The following TYW1B variants were observed in gnomAD, a reference collection of about 807,000 sequenced individuals.
TYW1B encodes tRNA-yW synthesizing protein 1 homolog B.
TYW1B carries 73 observed loss-of-function variants against 86.9 expected under a neutral mutation model. That is an observed-to-expected ratio of 0.84 (90% CI 0.70 to 1.02). The LOEUF (loss-of-function observed/expected upper bound fraction) is 1.02, where lower values mean the gene tolerates loss of function less well. Ranked by LOEUF, TYW1B falls within the 50% of genes least tolerant of loss-of-function variation. TYW1B has a pLI of 0.00. For synonymous variants in TYW1B, 248 were observed against 292.8 expected (o/e 0.85, Z 1.56); for missense variants, 637 against 827.4 (o/e 0.77, Z 2.82).
intron 6 of TYW1B, among the ~76,000 whole-genome samples, chr7:72,783,124 C>T (rs782810968): frequency 1.3e-5 from 2 of 151,716 alleles, no homozygotes; most frequent in South Asian, 2.1e-4. Context: ...TCAGGTCGGA[C>T]GTGGTGGCTC....
chr7:72,809,284 C>G (rs1327982947), intron 4 of TYW1B, among the ~76,000 whole-genome samples: 2 of 152,072 alleles, frequency 1.3e-5, no homozygotes, highest in African/African-American at 4.8e-5. Flanking sequence ...ACCTCGTGAT[C>G]CGCCTGCCTC....
intron 2 of TYW1B, among the ~76,000 whole-genome samples, chr7:72,819,682 C>T (rs1295934450): frequency 6.6e-6 from 1 of 152,192 alleles, no homozygotes; most frequent in Non-Finnish European, 1.5e-5. Flanking sequence ...ATCCACCTGC[C>T]TTGGCCTCCC....
At chr7:72,598,417 A>T (rs1811585157) in intron 13 of TYW1B, among the ~76,000 whole-genome samples, 1 of 152,106 alleles carries the variant, frequency 6.6e-6, no homozygotes, top group South Asian at 2.1e-4. Context: ...CAGAACCCTG[A>T]CTAATACACA....
chr7:72,667,952 T>C (rs1585889107), intron 11 of TYW1B, among the ~76,000 whole-genome samples: 1 of 152,306 alleles, frequency 6.6e-6, no homozygotes, highest in South Asian at 2.1e-4. Flanking sequence ...ATTCAAGCCA[T>C]AATTTACTCA....
chr7:72,644,760 T>C (rs1812884344), intron 11 of TYW1B, among the ~76,000 whole-genome samples: 1 of 150,542 alleles, frequency 6.6e-6, no homozygotes, highest in Admixed American at 6.6e-5. Context: ...GACTTCAAAA[T>C]GTGAAAGGAA....
At chr7:72,582,536 A>G (rs1454909724) in intron 13 of TYW1B, among the ~76,000 whole-genome samples, 4 of 152,220 alleles carry the variant, frequency 2.6e-5, no homozygotes, top group Admixed American at 2.6e-4. Flanking sequence ...TACTTTTTAC[A>G]TGCCAGTTTC....
intron 3 of TYW1B, among the ~76,000 whole-genome samples, chr7:72,811,894 G>T (rs1554478351): frequency 2.1e-5 from 3 of 140,820 alleles, no homozygotes; most frequent in Non-Finnish European, 4.5e-5. Context: ...ACTCCAGCCT[G>T]GGCAACGAAG....
chr7:72,797,298 A>G (rs1342384435), intron 6 of TYW1B, among the ~76,000 whole-genome samples: 5 of 152,214 alleles, frequency 3.3e-5, no homozygotes, highest in South Asian at 2.1e-4. Context: ...CAACTGCCCA[A>G]TGATTTAACC....
intron 11 of TYW1B, among the ~76,000 whole-genome samples, chr7:72,694,185 A>ACTC (rs1814250550): frequency 6.6e-6 from 1 of 151,626 alleles, no homozygotes; most frequent in African/African-American, 2.4e-5. Flanking sequence ...CTGGTCTTGA[A>ACTC]CTCCTGACCT....
intron 13 of TYW1B, among the ~76,000 whole-genome samples, chr7:72,596,637 G>A (rs1446733913): frequency 3.9e-5 from 6 of 152,024 alleles, no homozygotes; most frequent in African/African-American, 9.7e-5. Flanking sequence ...AACTCAAAAT[G>A]GATCAAAGAC....
At chr7:72,672,167 C>T (rs1434550804) in intron 11 of TYW1B, among the ~76,000 whole-genome samples, 1 of 152,028 alleles carries the variant, frequency 6.6e-6, no homozygotes, top group Non-Finnish European at 1.5e-5. Context: ...TGCCTGCCAC[C>T]ATCCACGTAA....
At chr7:72,737,150 C>T (rs1162268201) in intron 8 of TYW1B, among the ~76,000 whole-genome samples, 1 of 152,176 alleles carries the variant, frequency 6.6e-6, no homozygotes, top group Non-Finnish European at 1.5e-5. Context: ...GGCTCAGAGG[C>T]TATTTTAAGA....
chr7:72,608,093 G>A (rs1554435199), intron 13 of TYW1B, among the ~76,000 whole-genome samples: 1 of 152,192 alleles, frequency 6.6e-6, no homozygotes. Flanking sequence ...ATATCCTTCA[G>A]GAATGGAGAG....
chr7:72,629,228 C>G (rs1370886828), intron 11 of TYW1B, among the ~76,000 whole-genome samples: 2 of 152,138 alleles, frequency 1.3e-5, no homozygotes, highest in African/African-American at 4.8e-5. Context: ...TTTTCTCTGC[C>G]CCACAACATT....
intron 11 of TYW1B, among the ~76,000 whole-genome samples, chr7:72,693,349 T>G (rs35388764): frequency 5.9e-5 from 9 of 151,900 alleles, no homozygotes; most frequent in Non-Finnish European, 1.0e-4. Flanking sequence ...CTTAGGAAAT[T>G]TGGTTCTAGA....
intron 7 of TYW1B, among the ~76,000 whole-genome samples, chr7:72,770,450 A>G (rs1787848245): frequency 6.6e-6 from 1 of 151,662 alleles, no homozygotes; most frequent in South Asian, 2.1e-4. Flanking sequence ...AAAAAAAGAA[A>G]AAAGAAAAAA....
At chr7:72,674,764 T>C (rs1317114998) in intron 11 of TYW1B, among the ~76,000 whole-genome samples, 1 of 150,408 alleles carries the variant, frequency 6.6e-6, no homozygotes, top group South Asian at 2.1e-4. Context: ...TCTCTCTTTT[T>C]TTTTTTTTTT....
At chr7:72,638,167 G>A (rs1191170813) in intron 11 of TYW1B, among the ~76,000 whole-genome samples, 8 of 150,374 alleles carry the variant, frequency 5.3e-5, no homozygotes, top group Admixed American at 6.7e-5. Context: ...ATAGGGGAAG[G>A]GGGTCCTAAT....
At chr7:72,801,353 G>A (rs1274947588) in intron 6 of TYW1B, among the ~76,000 whole-genome samples, 28 of 152,044 alleles carry the variant, frequency 1.8e-4, no homozygotes, top group South Asian at 2.1e-4. Context: ...TAAATTAATC[G>A]GTAGGTAATT....
Sources: allele counts gnomAD v4.1 joint callset (sites outside exome capture counted in the v4.1 genomes callset), GRCh38; gene constraint gnomAD v4.1.1; transcripts MANE v1.5; gene names NCBI Gene and HGNC (gene_info 2026-07-23, HGNC 2026-07-21).